TLR4: variants seen among roughly 807,000 people sequenced by gnomAD.
The protein encoded by TLR4 is toll-like receptor 4.
A neutral mutation model predicts 27.4 loss-of-function variants in TLR4; 17 were observed. The ratio of observed to expected loss-of-function variants is 0.62; its 90% CI spans 0.42 to 0.93. The LOEUF (loss-of-function observed/expected upper bound fraction) is 0.93. Ranked by LOEUF, TLR4 falls within the 40% of genes least tolerant of loss-of-function variation. The pLI, the probability that TLR4 is intolerant of heterozygous loss-of-function variation, is 0.00. For missense variants in TLR4, 926 were observed against 962.3 expected (o/e 0.96, Z 0.50); for synonymous variants, 363 against 365.7 (o/e 0.99, Z 0.08).
Position 117,712,726 on chromosome 9 carries a change from C to G in TLR4, c.598C>G (p.Gln200Glu), listed in dbSNP as rs757785277. The G allele has an allele frequency of 3.7e-6, 6 of 1,614,090 alleles. No homozygotes were observed. Among genetic ancestry groups the G allele is most frequent in the South Asian group, 1.1e-5 (1 of 91,084 alleles). The change falls in exon 3 of 3, where the codon CAA becomes GAA. Residue 200 changes from glutamine (Q) to glutamate (E), a missense_variant. Gln to Glu is a conservative substitution (Grantham distance 29). Transcript: ENST00000355622. The part of the protein sequence containing the change: ...IYCTDLRVLH[Q>E]MPLLNLSLDL... ...TTGCACAGACTTGCGGGTTCTACAT[C>G]AAATGCCCCTACTCAATCTCTCTTT...
chr9:117,708,206 C>G, intron 1 of TLR4: 2 of 1,052,654 alleles, frequency 1.9e-6, no homozygotes, highest in Non-Finnish European at 2.3e-6. Context: ...AAGACTTGGC[C>G]CTAAACCACA....
chr9:117,713,842 G>A lies in TLR4; in HGVS notation c.1714G>A (p.Ala572Thr). The A allele has an allele frequency of 3.1e-6, 5 of 1,613,976 alleles. No homozygotes were observed. The highest frequency in any genetic ancestry group is 1.3e-5 in the African/African-American group (1 of 75,030). ...QELQHFPSSL[A>T]FLNLTQNDFA... ...ACTACAGCATTTTCCAAGTAGTCTAGCTTTCTTAAATCTTACTCAGAATGA... is the reference window on the plus strand; with the variant it reads ...ACTACAGCATTTTCCAAGTAGTCTAACTTTCTTAAATCTTACTCAGAATGA... The change falls in exon 3 of 3, where the codon GCT becomes ACT. Residue 572 changes from alanine to threonine, a missense_variant. Ala to Thr is a moderately conservative substitution (Grantham distance 58). Transcript: ENST00000355622.
rs200238564 is a variant in TLR4 at position 117,716,314 on chromosome 9, A to T, written c.*1666A>T. The T allele has an allele frequency of 2.0e-5, 3 of 152,220 alleles. No homozygotes were observed. The highest frequency in any genetic ancestry group is 4.4e-5 in the Non-Finnish European group (3 of 68,044). 9.4% of individuals were successfully genotyped at this position (152,220 alleles called of 1,614,324 possible). On this transcript the variant is annotated 3_prime_UTR_variant, in exon 3 of 3. Transcript: ENST00000355622. ...GTTTCCAAAGTTATGGAAACAACCC[A>T]AATTTCCATTGAAAAATAAATGGAC...
chr9:117,713,665 C>G lies in TLR4; in HGVS notation c.1537C>G (p.Pro513Ala). Reference protein sequence around the residue: ...LSQCQLEQLSPTAFNSLSSLQ... With the variant: ...LSQCQLEQLSATAFNSLSSLQ... ...TCAGTGTCAACTGGAGCAGTTGTCTCCAACAGCATTTAACTCACTCTCCAG... is the reference window on the plus strand; with the variant it reads ...TCAGTGTCAACTGGAGCAGTTGTCTGCAACAGCATTTAACTCACTCTCCAG... Residue 513 changes from proline to alanine, a missense_variant, in exon 3 of 3, where the codon CCA becomes GCA. Transcript: ENST00000355622. 1 of 1,614,032 alleles carries G rather than the reference C, an allele frequency of 6.2e-7. No individual in the cohort carries two copies.
rs544863785 is a variant in TLR4 at position 117,720,389 on chromosome 9, T to A, written c.*5741T>A. On this transcript the variant is annotated 3_prime_UTR_variant, in exon 3 of 3. Coordinates refer to ENST00000355622, the MANE Select transcript of TLR4 (RefSeq NM_138554.5). ...AAGTTTAAAAGGCAGAGTCTGCAAC[T>A]CTCCTTGATTTCTACAGAAATAAAG... is the stretch of plus-strand genomic sequence containing the variant. 6.6e-6 allele frequency: 1 copy of A among 152,290 alleles called. No individual in the cohort carries two copies. Among genetic ancestry groups the A allele is most frequent in the South Asian group, 2.1e-4 (1 of 4,832 alleles). The allele number at this position is 152,290 out of a possible 1,614,324, so 9.4% of individuals were successfully genotyped here. A position where few individuals can be genotyped will look rare whatever the true frequency, so the allele number is the denominator to read the frequency against.
At chr9:117,708,535 T>C in intron 1 of TLR4, 28 bp from the exon 2 acceptor site, 1 of 1,613,442 alleles carries the variant, frequency 6.2e-7, no homozygotes, top group Non-Finnish European at 8.5e-7. Flanking sequence ...GCAGTAAAGA[T>C]ACTTCATGTC....
chr9:117,716,356 T>C lies in TLR4; in HGVS notation c.*1708T>C, dbSNP rs1829347446. ...TAAATGGACAAAGAAAATGTGCATA[T>C]ACGTACAATGGGATATTATTCAGCC... On this transcript the variant is annotated 3_prime_UTR_variant, in exon 3 of 3. Coordinates refer to ENST00000355622, the MANE Select transcript of TLR4 (RefSeq NM_138554.5). 4 of 152,122 alleles carry C rather than the reference T, an allele frequency of 2.6e-5. No individual in the cohort carries two copies. In the South Asian group the frequency reaches 8.3e-4, roughly 31 times the overall value. The allele number at this position is 152,122 out of a possible 1,614,324, so 9.4% of individuals were successfully genotyped here.
chr9:117,708,793 T>C, intron 2 of TLR4, 64 bp downstream of exon 2: 2 of 1,594,862 alleles, frequency 1.3e-6, no homozygotes, highest in South Asian at 1.1e-5. Context: ...ATTTCATTAT[T>C]GGACTGGAAA....
chr9:117,708,895 T>C (rs564496399), intron 2 of TLR4, 166 bp downstream of exon 2: 1 of 797,028 alleles, frequency 1.3e-6, no homozygotes, highest in Non-Finnish European at 1.9e-6. Flanking sequence ...CTACCTCTAT[T>C]CTCCAGGTCT....
chr9:117,719,696 A>T lies in TLR4; in HGVS notation c.*5048A>T, dbSNP rs1304292870. 1 of 152,106 alleles carries T rather than the reference A, an allele frequency of 6.6e-6. No individual in the cohort carries two copies. The highest frequency in any genetic ancestry group is 1.5e-5 in the Non-Finnish European group (1 of 68,026). The allele number at this position is 152,106 out of a possible 1,614,324, so 9.4% of individuals were successfully genotyped here. A position where few individuals can be genotyped will look rare whatever the true frequency, so the allele number is the denominator to read the frequency against. Reference sequence around the variant, plus strand: ...CAGTTGGTCTGACTTCCTGACGGGCATCACAGACTTGTGATTAAACACAGA... The same window carrying T: ...CAGTTGGTCTGACTTCCTGACGGGCTTCACAGACTTGTGATTAAACACAGA... On this transcript the variant is annotated 3_prime_UTR_variant, in exon 3 of 3. Transcript: ENST00000355622.
rs901307948 is a variant in TLR4, at chr9:117,716,141, CA to C, written c.*1494del. On this transcript the variant is annotated 3_prime_UTR_variant, in exon 3 of 3. Transcript: ENST00000355622. ...AAAATGGTGTAGCCGTTATGAAAAA[CA>C]GTACGGAGGTTTCTCAAAAATTAAA... 5.3e-5 allele frequency: 8 copies of C among 152,140 alleles called. No individual in the cohort carries two copies. The highest frequency in any genetic ancestry group is 1.9e-4 in the African/African-American group (8 of 41,418). The allele number at this position is 152,140 out of a possible 1,614,324, so 9.4% of individuals were successfully genotyped here.
In TLR4 at chr9:117,721,782, C is replaced by T. The variant is rs1375600778; in HGVS notation, c.*7134C>T. The T allele has an allele frequency of 6.6e-6, 1 of 152,162 alleles. No individual in the cohort carries two copies. The highest frequency in any genetic ancestry group is 1.5e-5 in the Non-Finnish European group (1 of 68,040). 9.4% of individuals were successfully genotyped at this position (152,162 alleles called of 1,614,324 possible). A position where few individuals can be genotyped will look rare whatever the true frequency, so the allele number is the denominator to read the frequency against. Reference sequence around the variant, plus strand: ...GTTATAATGGAAAATGGAGAATAACCACCCACATTTAATATGGTTATTGGT... The same window carrying T: ...GTTATAATGGAAAATGGAGAATAACTACCCACATTTAATATGGTTATTGGT... On this transcript the variant is annotated 3_prime_UTR_variant, in exon 3 of 3. Coordinates refer to ENST00000355622, the MANE Select transcript of TLR4 (RefSeq NM_138554.5).
Position 117,714,088 on chromosome 9 carries a change from T to C in TLR4, c.1960T>C (p.Phe654Leu). 1 of 1,614,074 alleles carries C rather than the reference T, an allele frequency of 6.2e-7. No homozygotes were observed. The highest frequency in any genetic ancestry group is 8.5e-7 in the Non-Finnish European group (1 of 1,180,014). Residue 654 changes from phenylalanine (F) to leucine (L), a missense_variant, in exon 3 of 3, where the codon TTC becomes CTC. Phe to Leu is a conservative substitution (Grantham distance 22, BLOSUM62 0). Transcript: ENST00000355622. Reference sequence around the variant, plus strand: ...TGTTGTAGCAGTTCTGGTCTATAAGTTCTATTTTCACCTGATGCTTCTTGC... The same window carrying C: ...TGTTGTAGCAGTTCTGGTCTATAAGCTCTATTTTCACCTGATGCTTCTTGC... ...VSVVAVLVYK[F>L]YFHLMLLAGC...
intron 2 of TLR4, among the ~76,000 whole-genome samples, chr9:117,710,865 C>T (rs1056630788): frequency 6.6e-6 from 1 of 152,094 alleles, no homozygotes; most frequent in Non-Finnish European, 1.5e-5. Flanking sequence ...TCTCCAGAAT[C>T]CAACTTAAAT....
Position 117,704,471 on chromosome 9 carries a change from GGAT to G in TLR4, c.4_6del (p.Met2?). 3 of 1,612,658 alleles carry G rather than the reference GGAT, an allele frequency of 1.9e-6. No homozygotes were observed. The highest frequency in any genetic ancestry group is 2.5e-6 in the Non-Finnish European group (3 of 1,179,872). On this transcript the variant is annotated start_lost and 5_prime_UTR_variant, in exon 1 of 3. Transcript: ENST00000355622. ...CACAGAAGCAGTGAGGATGATGCCA[GGAT>G]GATGTCTGCCTCGCGCCTGGCTGGG...
intron 1 of TLR4, chr9:117,708,195 A>G: frequency 9.8e-7 from 1 of 1,022,058 alleles, no homozygotes; most frequent in Non-Finnish European, 1.2e-6. Flanking sequence ...TTTTGTTTTT[A>G]AAGACTTGGC....
rs2131173388 is a variant in TLR4, at chr9:117,714,421, G to A, written c.2293G>A (p.Gly765Ser). 4 of 1,613,730 alleles carry A rather than the reference G, an allele frequency of 2.5e-6. No individual in the cohort carries two copies. The East Asian group carries it at 6.7e-5, about 27-fold the overall frequency. ...QTWQFLSSRA[G>S]IIFIVLQKVE... The stretch of plus-strand genomic sequence containing the variant: ...CTGGCAGTTTCTGAGCAGTCGTGCT[G>A]GTATCATCTTCATTGTCCTGCAGAA... The change falls in exon 3 of 3, where the codon GGT becomes AGT. Residue 765 changes from glycine to serine, a missense_variant. Transcript: ENST00000355622.
Position 117,704,446 on chromosome 9 carries a change from C to G in TLR4, c.-27C>G. 6.2e-7 allele frequency: 1 copy of G among 1,601,876 alleles called. No individual in the cohort carries two copies. The highest frequency in any genetic ancestry group is 8.5e-7 in the Non-Finnish European group (1 of 1,172,378). On this transcript the variant is annotated 5_prime_UTR_variant, in exon 1 of 3. Transcript: ENST00000355622. ...ACGCATTCACAGGGCCACTGCTGCT[C>G]ACAGAAGCAGTGAGGATGATGCCAG...
chr9:117,708,688 C>G lies in TLR4; in HGVS notation c.219C>G (p.Ser73Arg), dbSNP rs147453131. 602 of 1,613,920 alleles carry G rather than the reference C, an allele frequency of 3.7e-4. 3 individuals carry two copies. In the East Asian group the frequency reaches 0.012, roughly 33 times the overall value. Residue 73 changes from serine to arginine, a missense_variant, in exon 2 of 3, where the codon AGC becomes AGG. Ser to Arg is a moderately radical substitution (Grantham distance 110). Coordinates refer to ENST00000355622, the MANE Select transcript of TLR4 (RefSeq NM_138554.5). ...FNPLRHLGSYSFFSFPELQVL... is the reference protein window; with the variant it reads ...FNPLRHLGSYRFFSFPELQVL... ...CCCTGAGGCATTTAGGCAGCTATAG[C>G]TTCTTCAGTTTCCCAGAACTGCAGG... is the stretch of plus-strand genomic sequence containing the variant.
Sources: gnomAD v4.1 joint callset for allele counts (sites outside exome capture counted in the v4.1 genomes callset) on GRCh38, gnomAD v4.1.1 for gene constraint, MANE v1.5 for transcripts, NCBI Gene and HGNC (gene_info 2026-07-23, HGNC 2026-07-21) for gene names.